Variants in FNDC3B observed in about 807,000 individuals in gnomAD.
FNDC3B encodes fibronectin type III domain containing 3B.
In FNDC3B, 12 loss-of-function variants were observed where a neutral mutation model predicts 151.5. The ratio of observed to expected loss-of-function variants is 0.08; its 90% CI spans 0.05 to 0.13. The LOEUF (loss-of-function observed/expected upper bound fraction) is 0.13. FNDC3B is among the 10% of genes least tolerant of loss of function. The pLI is 1.00. For missense variants in FNDC3B, 1,214 were observed against 1,505.3 expected (o/e 0.81, Z 3.20); for synonymous variants, 528 against 549.0 (o/e 0.96, Z 0.54).
At chr3:172,225,721 C>T (rs4423796) in intron 3 of FNDC3B, 53,833 of 197,834 alleles carry the variant, frequency 0.27, 7,615 homozygotes, top group East Asian at 0.45. Context: ...TATGTTCATC[C>T]TTCAGTTGCT....
At chr3:172,107,184 C>G (rs887370186) in intron 1 of FNDC3B, among the ~76,000 whole-genome samples, 1 of 151,954 alleles carries the variant, frequency 6.6e-6, no homozygotes, top group African/African-American at 2.4e-5. Flanking sequence ...GAAGCACTTG[C>G]GGTTTTAGTG....
At chr3:172,300,522 A>G (rs17461749) in intron 9 of FNDC3B, among the ~76,000 whole-genome samples, 1,790 of 152,010 alleles carry the variant, frequency 0.012, 15 homozygotes, top group Middle Eastern at 0.031. Context: ...CTCATCAGCT[A>G]TTTTTACCGA....
At chr3:172,308,301 G>A (rs1731296526) in intron 10 of FNDC3B, among the ~76,000 whole-genome samples, 2 of 152,158 alleles carry the variant, frequency 1.3e-5, no homozygotes. Flanking sequence ...GGCATCACTA[G>A]CTTGTTAATC....
chr3:172,372,970 G>A (rs1734952192), intron 23 of FNDC3B, among the ~76,000 whole-genome samples: 1 of 152,206 alleles, frequency 6.6e-6, no homozygotes, highest in South Asian at 2.1e-4. Context: ...GAGCTGGTTA[G>A]AGCACAGGTC....
At chr3:172,243,007 A>G (rs967106108) in intron 4 of FNDC3B, among the ~76,000 whole-genome samples, 24 of 152,172 alleles carry the variant, frequency 1.6e-4, no homozygotes, top group Admixed American at 1.3e-3. Context: ...AAGTCCCACA[A>G]ATCTCTAGGG....
At chr3:172,083,809 A>G (rs1718406126) in intron 1 of FNDC3B, among the ~76,000 whole-genome samples, 1 of 152,238 alleles carries the variant, frequency 6.6e-6, no homozygotes, top group South Asian at 2.1e-4. Flanking sequence ...GAAATCAGGA[A>G]TTATAAATCT....
At chr3:172,168,382 A>G (rs1043178409) in intron 3 of FNDC3B, among the ~76,000 whole-genome samples, 5 of 152,172 alleles carry the variant, frequency 3.3e-5, no homozygotes, top group African/African-American at 1.2e-4. Context: ...TGTGGGAACC[A>G]GAGAAGGAGT....
chr3:172,251,570 G>A (rs1460233342), intron 6 of FNDC3B, 29 bp downstream of exon 6: 8 of 1,567,450 alleles, frequency 5.1e-6, no homozygotes, highest in South Asian at 1.2e-5. Context: ...GCCATAGAGT[G>A]AATTATCAAG....
In FNDC3B at chr3:172,352,196, A is replaced by G. The variant is rs530056443; in HGVS notation, c.2515-607A>G. Among the ~76,000 whole-genome samples the G allele has an allele frequency of 6.6e-6, 1 of 152,176 alleles. No individual in the cohort carries two copies. Among genetic ancestry groups the G allele is most frequent in the Non-Finnish European group, 1.5e-5 (1 of 68,034 alleles). ...GAGAAATAAGTGTGGCATCTTGGAG[A>G]CCTAGTGATGAATAAGCATTTGAAA... On this transcript the variant is annotated intron_variant, in intron 21 of 25. Transcript: ENST00000415807. This position sits in a 1 kb window ranked among gnomAD's most constrained non-coding sequence, Gnocchi z 4.2.
Position 172,307,470 on chromosome 3 carries a change from G to A in FNDC3B, c.1169G>A (p.Arg390Lys), listed in dbSNP as rs1452979475. 6.2e-7 allele frequency: 1 copy of A among 1,614,086 alleles called. No homozygotes were observed. The highest frequency in any genetic ancestry group is 8.5e-7 in the Non-Finnish European group (1 of 1,179,994). ...ECPFPPKLAH[R>K]SKSSLTLQWK... Reference sequence around the variant, plus strand: ...CCTTTCCCCCCTAAGCTGGCACATAGGAGCAAAAGTTCACTAACCCTGCAG... The same window carrying A: ...CCTTTCCCCCCTAAGCTGGCACATAAGAGCAAAAGTTCACTAACCCTGCAG... The change falls in exon 10 of 26, where the codon AGG becomes AAG. Residue 390 changes from arginine (R) to lysine (K), a missense_variant. By Grantham distance (26) the Arg-to-Lys change is conservative. Around this residue, in one of 7 missense-constraint regions of FNDC3B, gnomAD observed 156 missense variants for 225.3 expected, o/e 0.69. Coordinates refer to ENST00000415807, the MANE Select transcript of FNDC3B (RefSeq NM_022763.4).
At chr3:172,187,995 A>T (rs1724284514) in intron 3 of FNDC3B, among the ~76,000 whole-genome samples, 1 of 7,018 alleles carries the variant, frequency 1.4e-4, no homozygotes, top group East Asian at 1.7e-3. Flanking sequence ...ATATTTAAGC[A>T]GTTTTTTTTT....
rs1308996937 is a variant in FNDC3B, at chr3:172,298,117, A to C, written c.1002-611A>C. On this transcript the variant is annotated intron_variant, in intron 8 of 25. Transcript: ENST00000415807. ...TGACACTGATATTTTTGAAGAACAC[A>C]AAGTAAGTCACATGCACACACACCT... Among the ~76,000 whole-genome samples the C allele has an allele frequency of 2.0e-5, 3 of 152,322 alleles. No homozygotes were observed. The East Asian group carries it at 5.8e-4, about 29-fold the overall frequency.
chr3:172,312,786 G>T (rs919539392), intron 11 of FNDC3B, among the ~76,000 whole-genome samples: 3 of 152,036 alleles, frequency 2.0e-5, no homozygotes, highest in African/African-American at 4.8e-5. Context: ...AAGAAAACTC[G>T]GGTGCTGCAG....
chr3:172,103,089 A>G (rs1295017646), intron 1 of FNDC3B, among the ~76,000 whole-genome samples: 1 of 152,302 alleles, frequency 6.6e-6, no homozygotes, highest in East Asian at 1.9e-4. Flanking sequence ...TCTAATAAAA[A>G]TGGTTAATTA....
chr3:172,159,106 C>A lies in FNDC3B; in HGVS notation c.187+25560C>A, dbSNP rs543502407. On this transcript the variant is annotated intron_variant, in intron 3 of 25. Coordinates refer to ENST00000415807, the MANE Select transcript of FNDC3B (RefSeq NM_022763.4). ...CCAGCTTGAACAACATGGTGAAACC[C>A]CCTCTCTACTAAAAATATAAAAATT... 2.0e-5 allele frequency among the ~76,000 whole-genome samples: 3 copies of A among 152,278 alleles called. No individual in the cohort carries two copies. The East Asian group carries it at 5.8e-4, about 29-fold the overall frequency.
At chr3:172,201,558 C>T (rs1725155395) in intron 3 of FNDC3B, among the ~76,000 whole-genome samples, 1 of 152,098 alleles carries the variant, frequency 6.6e-6, no homozygotes, top group Non-Finnish European at 1.5e-5. Flanking sequence ...TATCATGGGC[C>T]TTTTATTTCC....
chr3:172,340,462 T>C (rs751344490), intron 16 of FNDC3B, among the ~76,000 whole-genome samples: 7 of 152,090 alleles, frequency 4.6e-5, no homozygotes, highest in Non-Finnish European at 1.0e-4. Context: ...ATTTTTGTAT[T>C]TTTAGTAGAG....
At chr3:172,138,457 T>C (rs547868828) in intron 3 of FNDC3B, among the ~76,000 whole-genome samples, 10 of 152,346 alleles carry the variant, frequency 6.6e-5, no homozygotes, top group Admixed American at 5.2e-4. Flanking sequence ...TAAATCTCAA[T>C]AGAAGAACTT....
intron 3 of FNDC3B, among the ~76,000 whole-genome samples, chr3:172,217,006 C>T (rs541706975): frequency 1.6e-4 from 24 of 152,306 alleles, no homozygotes; most frequent in African/African-American, 5.5e-4. Context: ...ACACAGAAAC[C>T]TCAGGCCAAA....
Sources: allele counts gnomAD v4.1 joint callset (sites outside exome capture counted in the v4.1 genomes callset), GRCh38; gene constraint gnomAD v4.1.1; regional missense constraint gnomAD v4.1.1; non-coding constraint Gnocchi (gnomAD v3.1); transcripts MANE v1.5; gene names NCBI Gene and HGNC (gene_info 2026-07-23, HGNC 2026-07-21).